Variants in NACC1 observed in about 807,000 individuals in gnomAD.
NACC1 encodes nucleus accumbens associated 1, also known as nucleus accumbens-associated protein 1.
NACC1 carries 6 observed loss-of-function variants against 41.7 expected under a neutral mutation model. The observed-to-expected ratio is 0.14, with a 90% CI of 0.08 to 0.28. The LOEUF (loss-of-function observed/expected upper bound fraction) is 0.28, where lower values mean the gene tolerates loss of function less well. NACC1 is among the 10% of genes least tolerant of loss of function. The pLI is 1.00. For synonymous variants in NACC1, 338 were observed against 330.6 expected (o/e 1.02, Z -0.24); for missense variants, 434 against 763.7 (o/e 0.57, Z 5.09).
Position 13,118,657 on chromosome 19 carries a change from C to T in NACC1, c.-9+203C>T, listed in dbSNP as rs1294178459. On this transcript the variant is annotated intron_variant, in intron 1 of 5. Transcript: ENST00000292431. ...CAGCCCGAGCTTCAGGGCTTGGGGG[C>T]GGCAGGATCGTACCTGGACCGCTCC... Among the ~76,000 whole-genome samples the T allele has an allele frequency of 2.0e-5, 3 of 151,582 alleles. No homozygotes were observed. The East Asian group carries it at 5.9e-4, about 30-fold the overall frequency.
At chr19:13,121,581 G>GC (rs1268548289) in intron 1 of NACC1, among the ~76,000 whole-genome samples, 2 of 152,180 alleles carry the variant, frequency 1.3e-5, no homozygotes, top group Non-Finnish European at 2.9e-5. Flanking sequence ...CTGCCTGGAG[G>GC]CCCGGGGGTT....
rs771725055 is a variant in NACC1, at chr19:13,138,388, G to A, written c.1566G>A (p.Ser522=). 36 of 1,611,486 alleles carry A rather than the reference G, an allele frequency of 2.2e-5. No homozygotes were observed. The highest frequency in any genetic ancestry group is 2.9e-5 in the Non-Finnish European group (34 of 1,179,876). Reference sequence around the variant, plus strand: ...GCCACGAGGGCGAGGCGGGTCCCTCGGCTGAAGCCCTGCAGTAACCCGCCC... The same window carrying A: ...GCCACGAGGGCGAGGCGGGTCCCTCAGCTGAAGCCCTGCAGTAACCCGCCC... The part of the protein sequence containing the change: ...TASHEGEAGP[S]AEALQ Residue 522 remains serine (S), a synonymous_variant, in exon 6 of 6, where the codon TCG becomes TCA. Transcript: ENST00000292431. This position sits in a 1 kb window ranked among gnomAD's most constrained non-coding sequence, Gnocchi z 5.7.
At position 13,130,501 on chromosome 19, in the gene NACC1, G is replaced by C. The variant is rs1320822609; in HGVS notation, c.-8-4699G>C. Among the ~76,000 whole-genome samples the C allele has an allele frequency of 4.6e-5, 7 of 152,060 alleles. No individual in the cohort carries two copies. The East Asian group carries it at 1.2e-3, about 25-fold the overall frequency. On this transcript the variant is annotated intron_variant, in intron 1 of 5. Transcript: ENST00000292431. Reference sequence around the variant, plus strand: ...TCATTGAGCTGACAGTGCCCTTGGAGGGGTTAACTGTACATACACCTCTTT... The same window carrying C: ...TCATTGAGCTGACAGTGCCCTTGGACGGGTTAACTGTACATACACCTCTTT...
In NACC1 at chr19:13,136,418, C is replaced by T. The variant is rs764137560; in HGVS notation, c.1120+13C>T. ...GAGCTGGTGACAGGTGGGCCGGTCT[C>T]GCCCCAGATCTCTCCCCTCCGCAGC... On this transcript the variant is annotated intron_variant, in intron 3 of 5. Transcript: ENST00000292431. The surrounding 1 kb of genome is among the most constrained non-coding windows in gnomAD (Gnocchi z 5.5). 13 of 1,601,844 alleles carry T rather than the reference C, an allele frequency of 8.1e-6. No individual in the cohort carries two copies. The highest frequency in any genetic ancestry group is 2.3e-5 in the East Asian group (1 of 44,240).
intron 1 of NACC1, among the ~76,000 whole-genome samples, chr19:13,122,495 G>C (rs941562772): frequency 1.4e-5 from 2 of 142,346 alleles, no homozygotes; most frequent in South Asian, 4.5e-4. Flanking sequence ...CTTGGGGAAT[G>C]TCTGGGGACA....
chr19:13,137,643 T>C lies in NACC1; in HGVS notation c.1324+68T>C. 9 of 1,359,660 alleles carry C rather than the reference T, an allele frequency of 6.6e-6. No homozygotes were observed. The South Asian group carries it at 1.1e-4, about 17-fold the overall frequency. 84.2% of individuals were successfully genotyped at this position (1,359,660 alleles called of 1,614,324 possible). ...GCAGGTTGACGTTTTTTCCCAGCCT[T>C]GGCTCTCAGAGAGGGCTAGAGTTCA... On this transcript the variant is annotated intron_variant, in intron 5 of 5. Transcript: ENST00000292431. The surrounding 1 kb of genome is among the most constrained non-coding windows in gnomAD (Gnocchi z 6.1).
rs2019750809 is a variant in NACC1 at position 13,139,167 on chromosome 19, G to A, written c.*761G>A. On this transcript the variant is annotated 3_prime_UTR_variant, in exon 6 of 6. Transcript: ENST00000292431. ...GGTTTCCAGGGCTGGCAGAGTGTGT[G>A]CGTGTGTGTGTGCAGAAGTTTTGCT... is the stretch of plus-strand genomic sequence containing the variant. 6.6e-6 allele frequency: 1 copy of A among 152,304 alleles called. No homozygotes were observed. The highest frequency in any genetic ancestry group is 1.5e-5 in the Non-Finnish European group (1 of 68,268). 9.4% of individuals were successfully genotyped at this position (152,304 alleles called of 1,614,324 possible).
At chr19:13,126,477 A>G (rs1398547337) in intron 1 of NACC1, among the ~76,000 whole-genome samples, 1 of 152,156 alleles carries the variant, frequency 6.6e-6, no homozygotes, top group Non-Finnish European at 1.5e-5. Context: ...AGACATCAGG[A>G]AAGGACTGTG....
intron 1 of NACC1, among the ~76,000 whole-genome samples, chr19:13,125,828 C>T (rs1204355514): frequency 6.6e-6 from 1 of 152,080 alleles, no homozygotes; most frequent in Non-Finnish European, 1.5e-5. Flanking sequence ...CAACTTCCAC[C>T]TCCTAGGTTC....
At chr19:13,125,702 G>A (rs1267061412) in intron 1 of NACC1, among the ~76,000 whole-genome samples, 2 of 152,008 alleles carry the variant, frequency 1.3e-5, no homozygotes, top group African/African-American at 4.8e-5. Flanking sequence ...TTACAGGCGT[G>A]AGCCACTGCA....
chr19:13,121,363 C>G (rs2019490176), intron 1 of NACC1, among the ~76,000 whole-genome samples: 1 of 152,172 alleles, frequency 6.6e-6, no homozygotes, highest in South Asian at 2.1e-4. Flanking sequence ...GACTCTAGTA[C>G]CATTCACAAG....
Position 13,136,908 on chromosome 19 carries a change from G to C in NACC1, c.1121-363G>C, listed in dbSNP as rs1407200821. Among the ~76,000 whole-genome samples the C allele has an allele frequency of 6.6e-6, 1 of 152,184 alleles. No homozygotes were observed. Among genetic ancestry groups the C allele is most frequent in the Non-Finnish European group, 1.5e-5 (1 of 68,022 alleles). On this transcript the variant is annotated intron_variant, in intron 3 of 5. Transcript: ENST00000292431. The surrounding 1 kb of genome is among the most constrained non-coding windows in gnomAD (Gnocchi z 5.5). ...TTTGGTCCTTGGGTCAGAGTGCCTA[G>C]GTGTGAGCCTCCACTCCCTGTTGGT...
chr19:13,119,068 G>A (rs2019453903), intron 1 of NACC1, among the ~76,000 whole-genome samples: 1 of 149,546 alleles, frequency 6.7e-6, no homozygotes, highest in South Asian at 2.2e-4. Flanking sequence ...TCAGGACTCA[G>A]ATGTGGGGAG....
intron 1 of NACC1, among the ~76,000 whole-genome samples, chr19:13,120,656 C>T (rs2019478397): frequency 6.6e-6 from 1 of 152,176 alleles, no homozygotes; most frequent in Non-Finnish European, 1.5e-5. Context: ...CTGGTTGGGC[C>T]AGGATTGCTG....
chr19:13,118,769 T>C (rs1258813008), intron 1 of NACC1, among the ~76,000 whole-genome samples: 1 of 112,450 alleles, frequency 8.9e-6, no homozygotes, highest in Non-Finnish European at 1.8e-5. Flanking sequence ...GGCGGAAAAG[T>C]GAGGAGGTTC....
intron 1 of NACC1, among the ~76,000 whole-genome samples, chr19:13,130,804 G>A (rs925434799): frequency 1.3e-5 from 2 of 152,064 alleles, no homozygotes; most frequent in African/African-American, 4.8e-5. Context: ...CCAATGTGCT[G>A]GGATTACAGG....
chr19:13,122,352 T>A (rs778938965), intron 1 of NACC1, among the ~76,000 whole-genome samples: 2 of 152,148 alleles, frequency 1.3e-5, no homozygotes, highest in Non-Finnish European at 2.9e-5. Context: ...GCACCACCCC[T>A]GTCTCAGCCA....
chr19:13,130,821 C>CCACCGCCTGTACATATAA (rs2019626027), intron 1 of NACC1, among the ~76,000 whole-genome samples: 1 of 152,192 alleles, frequency 6.6e-6, no homozygotes, highest in South Asian at 2.1e-4. Flanking sequence ...CAGGCGTGAG[C>CCACCGCCTGTACATATAA]CACCGCGCCT....
rs1257138098 is a variant in NACC1, at chr19:13,135,990, G to A, written c.783G>A (p.Arg261=). The A allele has an allele frequency of 3.1e-6, 5 of 1,612,210 alleles. No homozygotes were observed. The highest frequency in any genetic ancestry group is 1.7e-4 in the Middle Eastern group (1 of 6,056). ...GVVSGPSTSE[R]TSPGTSSAYT... ...TGAGTGGGCCCAGCACGTCGGAGCG[G>A]ACCAGCCCAGGCACCTCAAGCGCCT... The change falls in exon 2 of 6, where the codon CGG becomes CGA. Residue 261 remains arginine (R), a synonymous_variant. Transcript: ENST00000292431.
Sources: gnomAD v4.1 joint callset for allele counts (sites outside exome capture counted in the v4.1 genomes callset) on GRCh38, gnomAD v4.1.1 for gene constraint, Gnocchi (gnomAD v3.1) non-coding constraint, MANE v1.5 for transcripts, NCBI Gene and HGNC (gene_info 2026-07-23, HGNC 2026-07-21) for gene names.